RNF40: variants seen among roughly 807,000 people sequenced by gnomAD.
RNF40 encodes E3 ubiquitin-protein ligase BRE1B.
A neutral mutation model predicts 123.3 loss-of-function variants in RNF40; 39 were observed. The observed-to-expected ratio is 0.32, with a 90% CI of 0.24 to 0.41. The LOEUF is 0.41. Among genes scored for constraint, RNF40 ranks in the 10% least tolerant of loss-of-function variants. The pLI is 1.00. For synonymous variants in RNF40, 538 were observed against 526.0 expected (o/e 1.02, Z -0.31); for missense variants, 1,003 against 1,319.9 (o/e 0.76, Z 3.72).
In RNF40 at chr16:30,767,348, A is replaced by G. The variant is rs7188698; in HGVS notation, c.1429+472A>G. 4.0e-3 allele frequency among the ~76,000 whole-genome samples: 609 copies of G among 152,360 alleles called. 2 individuals carry two copies. The highest frequency in any genetic ancestry group is 0.013 in the African/African-American group (560 of 41,572). On this transcript the variant is annotated intron_variant, in intron 11 of 19. Transcript: ENST00000324685. The stretch of plus-strand genomic sequence containing the variant: ...AGATAGGAAAGTAAAGCAGAAAAGG[A>G]AGATAGGAAGTATCAGGAGAAAGGG...
chr16:30,762,679 T>C lies in RNF40; in HGVS notation c.132+2T>C, dbSNP rs1176600977. ...CGTCTTGGAGGCATCTCTTCCACGG[T>C]TCGTGGGCTCTTGCCTTAACCCTCA... On this transcript the variant is annotated splice_donor_variant, in intron 2 of 19. Transcript: ENST00000324685. LOFTEE classifies it high-confidence loss of function. 2 of 1,612,182 alleles carry C rather than the reference T, an allele frequency of 1.2e-6. No individual in the cohort carries two copies. Among genetic ancestry groups the C allele is most frequent in the African/African-American group, 2.7e-5 (2 of 74,898 alleles).
At chr16:30,764,904 GA>G in intron 5 of RNF40, 33 bp from the exon 6 acceptor site, 2 of 1,603,232 alleles carry the variant, frequency 1.2e-6, no homozygotes, top group Non-Finnish European at 1.7e-6. Context: ...CCATTGCCCT[GA>G]GCTGGGCTCT....
chr16:30,769,572 G>A lies in RNF40; in HGVS notation c.2558G>A (p.Ser853Asn). 6.2e-7 allele frequency: 1 copy of A among 1,602,180 alleles called. No homozygotes were observed. The highest frequency in any genetic ancestry group is 8.5e-7 in the Non-Finnish European group (1 of 1,174,310). ...GTGGAGAAGGAGCTGACGCTGCGCA[G>A]CCAAGCCCTGGAGCTCAACAAGCGG... ...GGVEKELTLR[S>N]QALELNKRKA... The change falls in exon 17 of 20, where the codon AGC becomes AAC. Residue 853 changes from serine (S) to asparagine (N), a missense_variant. Physicochemically the swap from Ser to Asn is conservative, Grantham distance 46. Coordinates refer to ENST00000324685, the MANE Select transcript of RNF40 (RefSeq NM_014771.4).
chr16:30,761,822 G>A (rs1213329630), upstream of RNF40: 2 of 1,381,180 alleles, frequency 1.4e-6, no homozygotes, highest in African/African-American at 1.4e-5. Context: ...GCGCTCGGTC[G>A]GCGGCTACCA....
chr16:30,773,886 G>T, intron 19 of RNF40, 52 bp from the exon 20 acceptor site: 1 of 1,565,552 alleles, frequency 6.4e-7, no homozygotes, highest in Non-Finnish European at 8.7e-7. Context: ...GTCAGCTTGG[G>T]GTCTGGGCAC....
At chr16:30,762,279 G>C (rs538221529), upstream of RNF40, 37 of 428,524 alleles carry the variant, frequency 8.6e-5, no homozygotes, top group African/African-American at 1.1e-4. Flanking sequence ...CGCACCGTTG[G>C]GGGGGGGGCA....
rs370299929 is a variant in RNF40, at chr16:30,774,022, G to A, written c.2914G>A (p.Val972Met). The A allele has an allele frequency of 1.6e-5, 26 of 1,614,102 alleles. No homozygotes were observed. Among genetic ancestry groups the A allele is most frequent in the Middle Eastern group, 1.7e-4 (1 of 6,058 alleles). ...CTTCCACGTTTTCTGCTTCGAGTGC[G>A]TGCGGGGCCGCTATGAGGCCCGCCA... ...KCFHVFCFEC[V>M]RGRYEARQRK... Residue 972 changes from valine (V) to methionine (M), a missense_variant, in exon 20 of 20, where the codon GTG becomes ATG. Physicochemically the swap from Val to Met is conservative, Grantham distance 21. Around this residue, in one of 11 missense-constraint regions of RNF40, gnomAD observed 76 missense variants for 134.1 expected, o/e 0.57. Coordinates refer to ENST00000324685, the MANE Select transcript of RNF40 (RefSeq NM_014771.4).
Position 30,766,936 on chromosome 16 carries a change from G to A in RNF40, c.1429+60G>A. The A allele has an allele frequency of 3.2e-6, 5 of 1,582,164 alleles. No homozygotes were observed. The highest frequency in any genetic ancestry group is 1.8e-5 in the Admixed American group (1 of 56,038). ...ATCTGGGAGTGCTGGGCCCTGGTGT[G>A]GGGCTGCTGCTTATCCAGATGCAAG... On this transcript the variant is annotated intron_variant, in intron 11 of 19. Coordinates refer to ENST00000324685, the MANE Select transcript of RNF40 (RefSeq NM_014771.4). The surrounding 1 kb of genome is among the most constrained non-coding windows in gnomAD (Gnocchi z 5.4).
At chr16:30,763,806 A>G (rs1042386305) in intron 4 of RNF40, among the ~76,000 whole-genome samples, 2 of 152,232 alleles carry the variant, frequency 1.3e-5, no homozygotes, top group African/African-American at 4.8e-5. Context: ...AGTATTAAAT[A>G]TGTATTTGAC....
Position 30,768,387 on chromosome 16 carries a change from G to T in RNF40, c.1836G>T (p.Arg612=), listed in dbSNP as rs1297244141. The change falls in exon 13 of 20, where the codon CGG becomes CGT. Residue 612 remains arginine (R), a synonymous_variant. Coordinates refer to ENST00000324685, the MANE Select transcript of RNF40 (RefSeq NM_014771.4). This position sits in a 1 kb window ranked among gnomAD's most constrained non-coding sequence, Gnocchi z 4.1. The part of the protein sequence containing the change: ...RGREPEARPK[R]ELREREGPSL... ...GAGAACCTGAGGCCAGGCCCAAGCG[G>T]GAGCTTCGGGAACGGGAAGGTCCCA... 3.1e-6 allele frequency: 5 copies of T among 1,613,706 alleles called. No individual in the cohort carries two copies. The Middle Eastern group carries it at 5.0e-4, about 160-fold the overall frequency.
In RNF40 at chr16:30,770,104, G is replaced by GA. The variant is rs201069987; in HGVS notation, c.2586+512dup. On this transcript the variant is annotated intron_variant, in intron 17 of 19. Transcript: ENST00000324685. ...ACAAGAGCGAGACTCTGTCCCTAGG[G>GA]AAAAAAAACAAAAGATTTTTGAGTT... 3.0e-3 allele frequency among the ~76,000 whole-genome samples: 73 copies of GA among 24,044 alleles called. 1 individual carries two copies. In the East Asian group the frequency reaches 0.089, roughly 29 times the overall value. The allele number at this position is 24,044 out of a possible 152,430, so 15.8% of individuals were successfully genotyped here.
At chr16:30,762,282 G>GT (rs376493317), upstream of RNF40, 27 of 463,516 alleles carry the variant, frequency 5.8e-5, no homozygotes, top group East Asian at 1.1e-4. Context: ...ACCGTTGGGG[G>GT]GGGGGCAGTG....
At chr16:30,772,033 G>A (rs1567288569) in intron 18 of RNF40, 56 bp from the exon 19 acceptor site, 1 of 1,585,462 alleles carries the variant, frequency 6.3e-7, no homozygotes, top group Non-Finnish European at 8.6e-7. Flanking sequence ...CTATCCTGGG[G>A]GCAAGCGGCT....
intron 19 of RNF40, among the ~76,000 whole-genome samples, chr16:30,773,184 G>A (rs1439755694): frequency 2.0e-5 from 3 of 152,176 alleles, no homozygotes; most frequent in Non-Finnish European, 4.4e-5. Context: ...AGTAGAGGCA[G>A]AGGTGGAAGC....
intron 19 of RNF40, 122 bp downstream of exon 19, chr16:30,772,312 A>G (rs758833716): frequency 2.1e-5 from 17 of 797,674 alleles, no homozygotes; most frequent in Non-Finnish European, 3.2e-5. Context: ...TGGGCAGCAC[A>G]GTGGTCACAG....
At chr16:30,764,856 G>C (rs2053998531) in intron 5 of RNF40, 82 bp from the exon 6 acceptor site, 3 of 1,524,248 alleles carry the variant, frequency 2.0e-6, no homozygotes, top group Admixed American at 4.2e-5. Flanking sequence ...GATCACACTG[G>C]GTATATAGCA....
rs1245812874 is a variant in RNF40 at position 30,765,112 on chromosome 16, T to C, written c.771+53T>C. 7.0e-5 allele frequency: 112 copies of C among 1,611,362 alleles called. No individual in the cohort carries two copies. In the East Asian group the frequency reaches 2.5e-3, roughly 36 times the overall value. On this transcript the variant is annotated intron_variant, in intron 6 of 19. Coordinates refer to ENST00000324685, the MANE Select transcript of RNF40 (RefSeq NM_014771.4). ...GATTAGAATCAGGCAGGATTTGGGTTAGATGGGCACTCAGGGACCTCAGGA... is the reference window on the plus strand; with the variant it reads ...GATTAGAATCAGGCAGGATTTGGGTCAGATGGGCACTCAGGGACCTCAGGA...
rs746130595 is a variant in RNF40 at position 30,763,414 on chromosome 16, C to T, written c.301-4C>T. On this transcript the variant is annotated splice_polypyrimidine_tract_variant and splice_region_variant and intron_variant, in intron 3 of 19. Coordinates refer to ENST00000324685, the MANE Select transcript of RNF40 (RefSeq NM_014771.4). ...ATAACATTTTTGATGTTTTCTCCTT[C>T]CAGCTGGATGAAACTGTGGAAGCCC... 8 of 1,601,614 alleles carry T rather than the reference C, an allele frequency of 5.0e-6. No homozygotes were observed. The highest frequency in any genetic ancestry group is 6.8e-6 in the Non-Finnish European group (8 of 1,173,566).
At position 30,771,850 on chromosome 16, in the gene RNF40, G is replaced by A; in HGVS notation, c.2604G>A (p.Gln868=). ...LNKRKAVEAA[Q]LAEDLKVQLE... ...CTACTCAGGCTGTAGAAGCCGCCCA[G>A]CTGGCCGAGGACCTGAAGGTGCAGC... Residue 868 remains glutamine (Q), a synonymous_variant, in exon 18 of 20, where the codon CAG becomes CAA. Coordinates refer to ENST00000324685, the MANE Select transcript of RNF40 (RefSeq NM_014771.4). The A allele has an allele frequency of 6.3e-7, 1 of 1,590,038 alleles. No individual in the cohort carries two copies. The highest frequency in any genetic ancestry group is 8.6e-7 in the Non-Finnish European group (1 of 1,166,828).
Sources: gnomAD v4.1 joint callset for allele counts (sites outside exome capture counted in the v4.1 genomes callset) on GRCh38, gnomAD v4.1.1 for gene constraint, gnomAD v4.1.1 regional missense constraint, Gnocchi (gnomAD v3.1) non-coding constraint, MANE v1.5 for transcripts, NCBI Gene and HGNC (gene_info 2026-07-23, HGNC 2026-07-21) for gene names.